The following LARP1 variants were observed in gnomAD, a reference collection of about 807,000 sequenced individuals.
LARP1 encodes the protein la-related protein 1.
Under a neutral mutation model 122.7 loss-of-function variants are expected in LARP1, and 36 were observed. The observed-to-expected ratio is 0.29, with a 90% CI of 0.22 to 0.39. The LOEUF is 0.39. LARP1 is among the 10% of genes least tolerant of loss of function. The pLI is 1.00. For synonymous variants in LARP1, 539 were observed against 528.7 expected (o/e 1.02, Z -0.27); for missense variants, 1,040 against 1,403.6 (o/e 0.74, Z 4.14).
At chr5:154,736,539 TA>T (rs1297655497) in intron 1 of LARP1, among the ~76,000 whole-genome samples, 145 of 91,808 alleles carry the variant, frequency 1.6e-3, no homozygotes, top group Non-Finnish European at 1.1e-3. Context: ...GGCCTATTTT[TA>T]TTTATTTATT....
At chr5:154,762,939 A>T (rs1027406066) in intron 1 of LARP1, among the ~76,000 whole-genome samples, 2 of 151,926 alleles carry the variant, frequency 1.3e-5, no homozygotes, top group African/African-American at 4.8e-5. Flanking sequence ...ACTTAAACTA[A>T]TTTATTTAGG....
chr5:154,795,066 G>A (rs779129511), intron 7 of LARP1, 109 bp from the exon 8 acceptor site: 36 of 1,020,870 alleles, frequency 3.5e-5, no homozygotes, highest in Non-Finnish European at 4.7e-5. Flanking sequence ...GGATGGGGTA[G>A]GTCAGAGGCT....
chr5:154,755,493 G>C lies in LARP1; in HGVS notation c.-265G>C, dbSNP rs1753779295. On this transcript the variant is annotated 5_prime_UTR_variant, in exon 1 of 19. Coordinates refer to ENST00000518297, the MANE Select transcript of LARP1 (RefSeq NM_033551.3). ...GGGGTGGGGGCGTCTTGCGAGGAAC[G>C]GGCGGGGGGGGACGCACGCCTAGGA... 2.2e-5 allele frequency: 21 copies of C among 953,950 alleles called. No individual in the cohort carries two copies. Among genetic ancestry groups the C allele is most frequent in the Non-Finnish European group, 2.6e-5 (21 of 799,874 alleles). The allele number at this position is 953,950 out of a possible 1,614,324, so 59.1% of individuals were successfully genotyped here.
intron 1 of LARP1, among the ~76,000 whole-genome samples, chr5:154,722,766 T>C (rs1755957664): frequency 6.7e-6 from 1 of 149,942 alleles, no homozygotes; most frequent in Non-Finnish European, 1.5e-5. Flanking sequence ...CTGCAACATC[T>C]GCCTCCCAGA....
Position 154,811,645 on chromosome 5 carries a change from G to A in LARP1, c.3081+5G>A. ...CTTGAAGACTTCCGAGTAGATGTAA[G>A]TGAAACTCTTTCTCTAACTCTGCTT... On this transcript the variant is annotated splice_donor_5th_base_variant and intron_variant, in intron 18 of 18. Transcript: ENST00000518297. 1 of 1,614,164 alleles carries A rather than the reference G, an allele frequency of 6.2e-7. No homozygotes were observed. Among genetic ancestry groups the A allele is most frequent in the Non-Finnish European group, 8.5e-7 (1 of 1,180,024 alleles).
intron 10 of LARP1, among the ~76,000 whole-genome samples, chr5:154,801,747 A>G (rs1322381471): frequency 6.6e-6 from 1 of 152,196 alleles, no homozygotes; most frequent in African/African-American, 2.4e-5. Context: ...GTTCCTGCCT[A>G]TAGAGAAGTC....
intron 1 of LARP1, among the ~76,000 whole-genome samples, chr5:154,778,271 A>G (rs997483695): frequency 3.6e-4 from 55 of 152,106 alleles, no homozygotes; most frequent in Non-Finnish European, 4.7e-4. Flanking sequence ...AAAAAAAAAA[A>G]AAAAAAGTGC....
At chr5:154,687,421 A>ACCTAGGC (rs1367083444) in intron 1 of LARP1, among the ~76,000 whole-genome samples, 1 of 152,056 alleles carries the variant, frequency 6.6e-6, no homozygotes, top group African/African-American at 2.4e-5. Flanking sequence ...TCACTCTGTC[A>ACCTAGGC]CCTAGGCCGG....
In LARP1 at chr5:154,817,453, A is replaced by G. The variant is rs1401925892; in HGVS notation, c.*3357A>G. The G allele has an allele frequency of 1.3e-5, 2 of 152,706 alleles. No individual in the cohort carries two copies. The highest frequency in any genetic ancestry group is 3.8e-4 in the East Asian group (2 of 5,208). The allele number at this position is 152,706 out of a possible 1,614,324, so 9.5% of individuals were successfully genotyped here. ...TAAAATACTTGAATGAGCTTGTATTATAACATTAATATTATTGAGAGTATC... is the reference window on the plus strand; with the variant it reads ...TAAAATACTTGAATGAGCTTGTATTGTAACATTAATATTATTGAGAGTATC... On this transcript the variant is annotated 3_prime_UTR_variant, in exon 19 of 19. Transcript: ENST00000518297.
chr5:154,710,324 C>T (rs1361933987), upstream of LARP1, among the ~76,000 whole-genome samples: 1 of 152,152 alleles, frequency 6.6e-6, no homozygotes, highest in African/African-American at 2.4e-5. Flanking sequence ...AAAATTCATA[C>T]TGAGAGGCCA....
At chr5:154,688,185 G>A (rs1754024330) in intron 1 of LARP1, among the ~76,000 whole-genome samples, 1 of 152,198 alleles carries the variant, frequency 6.6e-6, no homozygotes, top group Non-Finnish European at 1.5e-5. Context: ...TGGCTGCCCT[G>A]ATGTTGGGTG....
At chr5:154,776,349 C>G (rs370974271) in intron 1 of LARP1, among the ~76,000 whole-genome samples, 43 of 152,320 alleles carry the variant, frequency 2.8e-4, no homozygotes, top group African/African-American at 9.6e-4. Context: ...TCATATCTGT[C>G]AGGACACTCA....
At position 154,780,259 on chromosome 5, in the gene LARP1, C is replaced by A. The variant is rs115381052; in HGVS notation, c.437-10066C>A. Among the ~76,000 whole-genome samples the A allele has an allele frequency of 2.2e-3, 339 of 152,348 alleles. 2 individuals are homozygous for A. Among genetic ancestry groups the A allele is most frequent in the African/African-American group, 7.6e-3 (314 of 41,584 alleles). ...GTCTTCCAGAGGGAGCTGAGACATTCAGCCTTCCCTGGCAGGGCTCAAAGA... is the reference window on the plus strand; with the variant it reads ...GTCTTCCAGAGGGAGCTGAGACATTAAGCCTTCCCTGGCAGGGCTCAAAGA... On this transcript the variant is annotated intron_variant, in intron 1 of 18. Transcript: ENST00000518297.
At chr5:154,735,550 T>TTTATTTATTTA (rs1457966024) in intron 1 of LARP1, among the ~76,000 whole-genome samples, 1 of 147,574 alleles carries the variant, frequency 6.8e-6, no homozygotes, top group Non-Finnish European at 1.5e-5. Context: ...TTTATTTTTA[T>TTTATTTATTTA]TTATTTATTT....
chr5:154,782,638 T>TTCCTTTCAGTGGGAAC (rs1214073956), intron 1 of LARP1, among the ~76,000 whole-genome samples: 1 of 152,176 alleles, frequency 6.6e-6, no homozygotes. Context: ...GGTCTGCAGC[T>TTCCTTTCAGTGGGAAC]TCCTTTCAGT....
At position 154,814,072 on chromosome 5, in the gene LARP1, G is replaced by T. The variant is rs777191209; in HGVS notation, c.3267G>T (p.Ser1089=). ...REDAKWTSQH[S]NTQTLGK ...ATGCCAAATGGACAAGCCAGCACTC[G>T]AACACACAGACTTTGGGAAAGTGAA... Residue 1089 remains serine, a synonymous_variant, in exon 19 of 19, where the codon TCG becomes TCT. Coordinates refer to ENST00000518297, the MANE Select transcript of LARP1 (RefSeq NM_033551.3). 1 of 1,614,030 alleles carries T rather than the reference G, an allele frequency of 6.2e-7. No homozygotes were observed. Among genetic ancestry groups the T allele is most frequent in the East Asian group, 2.2e-5 (1 of 44,866 alleles).
chr5:154,792,474 G>C (rs1757421437), intron 3 of LARP1, 148 bp from the exon 4 acceptor site: 1 of 699,294 alleles, frequency 1.4e-6, no homozygotes, highest in South Asian at 2.0e-5. Context: ...ACCATCTCAG[G>C]TGTGAAAATG....
chr5:154,736,087 G>A (rs1054113173), intron 1 of LARP1, among the ~76,000 whole-genome samples: 1 of 150,322 alleles, frequency 6.7e-6, no homozygotes, highest in African/African-American at 2.4e-5. Context: ...ACCCAGCTAA[G>A]TTTTTTAATT....
At chr5:154,786,912 CTT>C (rs1310545253) in intron 1 of LARP1, among the ~76,000 whole-genome samples, 1 of 148,386 alleles carries the variant, frequency 6.7e-6, no homozygotes, top group East Asian at 2.0e-4. Context: ...GAATTTTGCT[CTT>C]GTTGCCCAGG....
Sources: gnomAD v4.1 joint callset for allele counts (sites outside exome capture counted in the v4.1 genomes callset) on GRCh38, gnomAD v4.1.1 for gene constraint, MANE v1.5 for transcripts, NCBI Gene and HGNC (gene_info 2026-07-23, HGNC 2026-07-21) for gene names.